FRYL: variants seen among roughly 807,000 people sequenced by gnomAD.
FRYL encodes FRY like transcription coactivator.
A neutral mutation model predicts 351.2 loss-of-function variants in FRYL; 150 were observed. The ratio of observed to expected loss-of-function variants is 0.43; its 90% CI spans 0.37 to 0.49. The LOEUF (loss-of-function observed/expected upper bound fraction) is 0.49, where lower values mean the gene tolerates loss of function less well. FRYL is among the 20% of genes least tolerant of loss of function. The pLI is 0.00. For synonymous variants in FRYL, 1,153 were observed against 1,257.1 expected, an observed-to-expected ratio of 0.92 and a Z score of 1.75; for missense variants, 3,036 against 3,619.3, an observed-to-expected ratio of 0.84 and a Z score of 4.13.
chr4:48,519,568 T>C (rs867413096), intron 55 of FRYL, among the ~76,000 whole-genome samples: 2 of 151,882 alleles, frequency 1.3e-5, no homozygotes, highest in East Asian at 3.9e-4. Flanking sequence ...AGTGGCGCGA[T>C]CTCGGCTCCC....
intron 3 of FRYL, among the ~76,000 whole-genome samples, chr4:48,682,944 T>A (rs896863637): frequency 1.3e-5 from 2 of 152,164 alleles, no homozygotes; most frequent in Admixed American, 6.5e-5. Context: ...TTATAAATCA[T>A]TCTATTATAA....
At chr4:48,708,215 G>T (rs1767593498) in intron 2 of FRYL, among the ~76,000 whole-genome samples, 1 of 151,392 alleles carries the variant, frequency 6.6e-6, no homozygotes, top group South Asian at 2.1e-4. Flanking sequence ...GGAGGCGGAG[G>T]TTGCAGTAAG....
At chr4:48,500,272 A>G (rs1577793746) in intron 62 of FRYL, 52 bp from the exon 63 acceptor site, 1 of 1,168,552 alleles carries the variant, frequency 8.6e-7, no homozygotes, top group Middle Eastern at 2.0e-4. Context: ...TAACAAAAAC[A>G]TTTAGTTGGC....
At chr4:48,541,139 G>GT (rs1202794077) in intron 45 of FRYL, among the ~76,000 whole-genome samples, 179 bp from the exon 46 acceptor site, 1 of 152,174 alleles carries the variant, frequency 6.6e-6, no homozygotes, top group Non-Finnish European at 1.5e-5. Flanking sequence ...ATGTACAACA[G>GT]TATCTTTTCT....
chr4:48,629,082 C>G lies in FRYL; in HGVS notation c.120+5209G>C, dbSNP rs549609443. Among the ~76,000 whole-genome samples, 16 of 150,400 alleles carry G rather than the reference C, an allele frequency of 1.1e-4. No individual in the cohort carries two copies. In the East Asian group the frequency reaches 3.1e-3, roughly 29 times the overall value. On this transcript the variant is annotated intron_variant, in intron 4 of 63. Coordinates refer to ENST00000358350, the MANE Select transcript of FRYL (RefSeq NM_015030.2). The stretch of plus-strand genomic sequence containing the variant: ...GTATTATAGTGTTATTTTCATAATA[C>G]TATAAAAAGTTAATAATAATTCCAA...
chr4:48,581,547 T>C lies in FRYL; in HGVS notation c.2045A>G (p.Asn682Ser), dbSNP rs766606892. 7 of 1,613,606 alleles carry C rather than the reference T, an allele frequency of 4.3e-6. No homozygotes were observed. The highest frequency in any genetic ancestry group is 3.3e-5 in the Admixed American group (2 of 59,964). Reference sequence around the variant, plus strand: ...AAAGCCTTCAACCACATGGAATACATTGGAATATGGGCTCCTTTCCAGAGG... The same window carrying C: ...AAAGCCTTCAACCACATGGAATACACTGGAATATGGGCTCCTTTCCAGAGG... ...PPPLERSPYS[N>S]VFHVVEGFAL... is the part of the protein sequence containing the mutation. The change falls in exon 21 of 64, where the codon AAT becomes AGT. Residue 682 changes from asparagine to serine, a missense_variant. Transcript: ENST00000358350.
chr4:48,724,303 T>C (rs1479151210), intron 1 of FRYL, among the ~76,000 whole-genome samples: 1 of 152,130 alleles, frequency 6.6e-6, no homozygotes, highest in Non-Finnish European at 1.5e-5. Context: ...GTTTTCCTGC[T>C]ATCCCTCAAA....
intron 1 of FRYL, among the ~76,000 whole-genome samples, chr4:48,731,313 C>A (rs6850983): frequency 6.6e-6 from 1 of 152,120 alleles, no homozygotes; most frequent in East Asian, 1.9e-4. Context: ...AAACATTCGA[C>A]GCTCATGGAT....
chr4:48,740,155 G>A (rs914200268), intron 1 of FRYL, among the ~76,000 whole-genome samples: 1 of 152,040 alleles, frequency 6.6e-6, no homozygotes, highest in African/African-American at 2.4e-5. Flanking sequence ...TTTCTGCTCT[G>A]TGAAAGGCAC....
rs759685455 is a variant in FRYL at position 48,499,154 on chromosome 4, AC to A, written c.*267del. ...AGAAAGTAATGTATTTGTAGGCATCACTTTTAGCCCTTTTCTTTTCACGTAG... is the reference window on the plus strand; with the variant it reads ...AGAAAGTAATGTATTTGTAGGCATCATTTTAGCCCTTTTCTTTTCACGTAG... On this transcript the variant is annotated 3_prime_UTR_variant, in exon 64 of 64. Coordinates refer to ENST00000358350, the MANE Select transcript of FRYL (RefSeq NM_015030.2). 1.4e-4 allele frequency: 50 copies of A among 351,246 alleles called. No homozygotes were observed. The highest frequency in any genetic ancestry group is 4.0e-4 in the Admixed American group (9 of 22,392). The allele number at this position is 351,246 out of a possible 1,614,324, so 21.8% of individuals were successfully genotyped here.
chr4:48,504,575 T>C (rs1034530002), intron 60 of FRYL, among the ~76,000 whole-genome samples: 6 of 152,106 alleles, frequency 3.9e-5, no homozygotes, highest in African/African-American at 1.4e-4. Context: ...ATAGATGACT[T>C]AGCAGTTTCT....
chr4:48,583,731 C>T lies in FRYL; in HGVS notation c.1749-997G>A, dbSNP rs184521084. 1.2e-3 allele frequency among the ~76,000 whole-genome samples: 178 copies of T among 151,884 alleles called. 2 individuals carry two copies. Among genetic ancestry groups the T allele is most frequent in the African/African-American group, 4.1e-3 (168 of 41,446 alleles). On this transcript the variant is annotated intron_variant, in intron 19 of 63. Coordinates refer to ENST00000358350, the MANE Select transcript of FRYL (RefSeq NM_015030.2). ...CAGCCTGGCCAACATGATGAAATCC[C>T]GTCTCTATTAAAAATACAAAAACAT...
At chr4:48,543,250 AATCTTATT>A (rs1292617246) in intron 44 of FRYL, among the ~76,000 whole-genome samples, 28 of 152,260 alleles carry the variant, frequency 1.8e-4, no homozygotes, top group African/African-American at 5.8e-4. Context: ...CTTCTCCTTT[AATCTTATT>A]ATCTTATTAT....
intron 1 of FRYL, among the ~76,000 whole-genome samples, chr4:48,732,231 A>G (rs1770800662): frequency 6.6e-6 from 1 of 152,212 alleles, no homozygotes; most frequent in South Asian, 2.1e-4. Flanking sequence ...ATGAGATACT[A>G]TCTCACGCCA....
In FRYL at chr4:48,676,670, C is replaced by T. The variant is rs181640487; in HGVS notation, c.-81+8003G>A. 2.8e-3 allele frequency among the ~76,000 whole-genome samples: 424 copies of T among 152,030 alleles called. 2 individuals carry two copies. The highest frequency in any genetic ancestry group is 0.011 in the South Asian group (54 of 4,822). On this transcript the variant is annotated intron_variant, in intron 3 of 63. Coordinates refer to ENST00000358350, the MANE Select transcript of FRYL (RefSeq NM_015030.2). ...CCTCCCGAAGTTTTGGGATTACAGG[C>T]GTGAGCCACTGCGCCTGGCCAAGTT...
At chr4:48,727,355 T>A (rs1770193823) in intron 1 of FRYL, 2 of 152,044 alleles carry the variant, frequency 1.3e-5, no homozygotes, top group Admixed American at 1.3e-4. Context: ...AGAAATGAGG[T>A]CATAAGGCAA....
intron 59 of FRYL, among the ~76,000 whole-genome samples, chr4:48,508,660 C>T (rs1263182681): frequency 1.3e-5 from 2 of 152,106 alleles, no homozygotes; most frequent in African/African-American, 2.4e-5. Flanking sequence ...ACTGGGGAAG[C>T]GGCAGGGTTG....
chr4:48,533,487 G>C (rs1247600603), intron 49 of FRYL, among the ~76,000 whole-genome samples: 2 of 152,086 alleles, frequency 1.3e-5, no homozygotes, highest in African/African-American at 4.8e-5. Context: ...TTTTACTACA[G>C]TTTTATTACT....
intron 1 of FRYL, among the ~76,000 whole-genome samples, chr4:48,749,358 GA>G (rs942298350): frequency 6.6e-6 from 1 of 152,204 alleles, no homozygotes; most frequent in African/African-American, 2.4e-5. Context: ...TGTTCCCGTG[GA>G]AACCATACAG....
Sources: gnomAD v4.1 joint callset for allele counts (sites outside exome capture counted in the v4.1 genomes callset) on GRCh38, gnomAD v4.1.1 for gene constraint, MANE v1.5 for transcripts, NCBI Gene and HGNC (gene_info 2026-07-23, HGNC 2026-07-21) for gene names.